Variants in AFF2 observed in about 807,000 individuals in gnomAD.
The protein encoded by AFF2 is AF4/FMR2 family member 2.
Under a neutral mutation model 76.9 loss-of-function variants are expected in AFF2, and 14 were observed. The observed-to-expected ratio is 0.18, with a 90% confidence interval of 0.12 to 0.28. AFF2 has a LOEUF of 0.28. Among genes scored for constraint, AFF2 ranks in the 10% least tolerant of loss-of-function variants. The pLI, the probability that AFF2 is intolerant of heterozygous loss-of-function variation, is 1.00. For synonymous variants in AFF2, 398 were observed against 366.7 expected (o/e 1.09, Z -0.98); for missense variants, 868 against 1,001.1 (o/e 0.87, Z 1.79).
At chrX:148,730,913 A>T (rs186132742) in intron 3 of AFF2, among the ~76,000 whole-genome samples, 168 of 111,958 alleles carry the variant, frequency 1.5e-3, no homozygotes, top group African/African-American at 5.1e-3. Flanking sequence ...ATGTTGAAGC[A>T]TGTTATTCCA....
At chrX:148,729,668 T>C (rs1429091623) in intron 3 of AFF2, among the ~76,000 whole-genome samples, 1 of 111,404 alleles carries the variant, frequency 9.0e-6, no homozygotes, top group East Asian at 2.8e-4. Context: ...GCTATAACAA[T>C]AGTTCAGGGA....
intron 1 of AFF2, among the ~76,000 whole-genome samples, chrX:148,563,060 T>C (rs140239528): frequency 8.9e-6 from 1 of 111,890 alleles, no homozygotes; most frequent in East Asian, 2.8e-4. Flanking sequence ...AGGAAGCTGG[T>C]CAAGTGTGGA....
At chrX:148,632,922 A>G (rs184704462) in intron 1 of AFF2, among the ~76,000 whole-genome samples, 2 of 111,929 alleles carry the variant, frequency 1.8e-5, no homozygotes, top group African/African-American at 6.5e-5. Context: ...TCTAATCCAG[A>G]TAGATTAACT....
intron 8 of AFF2, among the ~76,000 whole-genome samples, chrX:148,899,910 G>A (rs1691321729): frequency 9.1e-6 from 1 of 110,310 alleles, no homozygotes; most frequent in Non-Finnish European, 1.9e-5. Context: ...TTCAGAGCAT[G>A]CTTCTTATAA....
chrX:148,581,128 C>CATAT (rs2053366703), intron 1 of AFF2, among the ~76,000 whole-genome samples: 3 of 39,157 alleles, frequency 7.7e-5, no homozygotes, highest in Admixed American at 3.7e-4. Context: ...CACACATATA[C>CATAT]GTATACGTAT....
chrX:148,777,960 C>T (rs1376209438), intron 3 of AFF2, among the ~76,000 whole-genome samples: 4 of 112,126 alleles, frequency 3.6e-5, no homozygotes, highest in African/African-American at 1.3e-4. Context: ...CCAGCTTTTG[C>T]CCATTCAGTA....
chrX:148,540,946 C>G (rs2124266437), intron 1 of AFF2, among the ~76,000 whole-genome samples: 1 of 111,934 alleles, frequency 8.9e-6, no homozygotes, highest in South Asian at 3.8e-4. Flanking sequence ...TTCTTCATAG[C>G]CAAGACGCGA....
chrX:148,843,970 G>A (rs1265400), intron 7 of AFF2, among the ~76,000 whole-genome samples: 2,614 of 111,412 alleles, frequency 0.023, 22 homozygotes, highest in Non-Finnish European at 0.036. Context: ...CCCATAATAA[G>A]TAAATAACAG....
At chrX:148,547,402 T>A (rs2052934436) in intron 1 of AFF2, 1 of 111,681 alleles carries the variant, frequency 9.0e-6, no homozygotes, top group South Asian at 3.8e-4. Context: ...CAAAAGAATA[T>A]CCAGGGAACT....
At chrX:148,744,761 G>A (rs2055401356) in intron 3 of AFF2, among the ~76,000 whole-genome samples, 1 of 111,561 alleles carries the variant, frequency 9.0e-6, no homozygotes, top group Non-Finnish European at 1.9e-5. Flanking sequence ...AGTGAGTTTT[G>A]TTTTGTTTTT....
chrX:148,578,447 T>C (rs1044688142), intron 1 of AFF2, among the ~76,000 whole-genome samples: 1 of 111,727 alleles, frequency 9.0e-6, no homozygotes, highest in Non-Finnish European at 1.9e-5. Context: ...GTATAGACCA[T>C]GGCATGACAC....
At chrX:148,785,057 C>G (rs782634393) in intron 3 of AFF2, among the ~76,000 whole-genome samples, 4 of 111,903 alleles carry the variant, frequency 3.6e-5, no homozygotes, top group African/African-American at 6.5e-5. Flanking sequence ...TTGCTCCCCC[C>G]CTTCCCCCAA....
chrX:148,803,129 T>C (rs148130050), intron 3 of AFF2, among the ~76,000 whole-genome samples: 133 of 111,347 alleles, frequency 1.2e-3, no homozygotes, highest in Non-Finnish European at 2.2e-3. Flanking sequence ...AGGAGTTGGC[T>C]GCTTACCTAG....
intron 7 of AFF2, among the ~76,000 whole-genome samples, chrX:148,865,147 G>T (rs1051455920): frequency 8.9e-6 from 1 of 112,343 alleles, no homozygotes; most frequent in Non-Finnish European, 1.9e-5. Context: ...GTGTTTTACA[G>T]TAAAATTTGA....
chrX:148,881,400 A>T (rs375314873), intron 7 of AFF2, among the ~76,000 whole-genome samples: 41 of 111,216 alleles, frequency 3.7e-4, no homozygotes, highest in African/African-American at 1.3e-3. Context: ...ATTTCTCTGG[A>T]TCAGCAGGTA....
chrX:148,834,052 A>G (rs1384487774), intron 4 of AFF2, among the ~76,000 whole-genome samples: 4 of 112,025 alleles, frequency 3.6e-5, no homozygotes, highest in African/African-American at 6.5e-5. Context: ...GCCATGAGCT[A>G]TTGTTTGGAT....
chrX:148,913,769 G>C (rs782528047), intron 9 of AFF2, among the ~76,000 whole-genome samples: 4 of 112,163 alleles, frequency 3.6e-5, no homozygotes, highest in Non-Finnish European at 5.6e-5. Context: ...GACAAGAATG[G>C]ACAACGCTGT....
intron 9 of AFF2, among the ~76,000 whole-genome samples, chrX:148,925,809 T>G (rs1277362413): frequency 9.0e-6 from 1 of 111,644 alleles, no homozygotes; most frequent in East Asian, 2.8e-4. Flanking sequence ...TATGCAAGCC[T>G]TCGGTATGGT....
At chrX:148,508,470 G>A (rs1019949959) in intron 1 of AFF2, among the ~76,000 whole-genome samples, 1 of 111,392 alleles carries the variant, frequency 9.0e-6, no homozygotes, top group Non-Finnish European at 1.9e-5. Context: ...TGCTAAAATT[G>A]TGATGTCTTC....
Sources: allele counts gnomAD v4.1 joint callset (sites outside exome capture counted in the v4.1 genomes callset), GRCh38; gene constraint gnomAD v4.1.1; transcripts MANE v1.5; gene names NCBI Gene and HGNC (gene_info 2026-07-23, HGNC 2026-07-21).